Variants in TIMM10B observed in about 807,000 individuals in gnomAD.
The protein encoded by TIMM10B is translocase of inner mitochondrial membrane 10B, also known as mitochondrial import inner membrane translocase subunit Tim10 B.
TIMM10B carries 17 observed loss-of-function variants against 12.6 expected under a neutral mutation model. That is an observed-to-expected ratio of 1.35 (90% CI 0.92 to 2.03). The LOEUF is 2.03. TIMM10B is among the 30% of genes most tolerant of loss of function. The pLI is 0.00. For synonymous variants in TIMM10B, 63 were observed against 51.3 expected, an observed-to-expected ratio of 1.23 and a Z score of -0.97; for missense variants, 165 against 133.3, an observed-to-expected ratio of 1.24 and a Z score of -1.17.
At position 6,483,305 on chromosome 11, in the gene TIMM10B, T is replaced by G. The variant is rs113348225; in HGVS notation, c.*1084T>G. ...CCCACATTGGTCCCATTGAGTACAT[T>G]CTGTGATTTCTAATTCCAGCCTCTC... On this transcript the variant is annotated 3_prime_UTR_variant, in exon 3 of 3. Coordinates refer to ENST00000254616, the MANE Select transcript of TIMM10B (RefSeq NM_012192.4). 1 of 152,252 alleles carries G rather than the reference T, an allele frequency of 6.6e-6. No homozygotes were observed. The highest frequency in any genetic ancestry group is 1.5e-5 in the Non-Finnish European group (1 of 68,050). The allele number at this position is 152,252 out of a possible 1,614,324, so 9.4% of individuals were successfully genotyped here.
Position 6,482,429 on chromosome 11 carries a change from C to T in TIMM10B, c.*208C>T, listed in dbSNP as rs925632426. ...AAGGAAGCTTTGCCTACTTTATTGG[C>T]ACAATCCGTTGTTCTGTCGTTTAGT... On this transcript the variant is annotated 3_prime_UTR_variant, in exon 3 of 3. Coordinates refer to ENST00000254616, the MANE Select transcript of TIMM10B (RefSeq NM_012192.4). 15 of 559,226 alleles carry T rather than the reference C, an allele frequency of 2.7e-5. No individual in the cohort carries two copies. Among genetic ancestry groups the T allele is most frequent in the Non-Finnish European group, 4.5e-5 (14 of 313,120 alleles). The allele number at this position is 559,226 out of a possible 1,614,324, so 34.6% of individuals were successfully genotyped here. A position where few individuals can be genotyped will look rare whatever the true frequency, so the allele number is the denominator to read the frequency against.
At position 6,482,209 on chromosome 11, in the gene TIMM10B, A is replaced by G. The variant is rs750701674; in HGVS notation, c.300A>G (p.Pro100=). ...GVAAEQPGVS[P]SGS Reference sequence around the variant, plus strand: ...CTGCTGAACAGCCTGGGGTCTCTCCATCAGGCAGCTAGCCATACCCAACCC... The same window carrying G: ...CTGCTGAACAGCCTGGGGTCTCTCCGTCAGGCAGCTAGCCATACCCAACCC... The change falls in exon 3 of 3, where the codon CCA becomes CCG. Residue 100 remains proline, a synonymous_variant. Transcript: ENST00000254616. The G allele has an allele frequency of 2.5e-6, 4 of 1,605,868 alleles. No individual in the cohort carries two copies. The Admixed American group carries it at 6.7e-5, about 27-fold the overall frequency.
Position 6,483,129 on chromosome 11 carries a change from C to G in TIMM10B, c.*908C>G, listed in dbSNP as rs2134342405. ...CTGGGGACCATATTCTGCAATGCAGCCAAATCCGAGGAAGAGAAACTGAAG... is the reference window on the plus strand; with the variant it reads ...CTGGGGACCATATTCTGCAATGCAGGCAAATCCGAGGAAGAGAAACTGAAG... On this transcript the variant is annotated 3_prime_UTR_variant, in exon 3 of 3. Transcript: ENST00000254616. The G allele has an allele frequency of 6.6e-6, 1 of 152,338 alleles. No homozygotes were observed. The highest frequency in any genetic ancestry group is 1.9e-4 in the East Asian group (1 of 5,186). The allele number at this position is 152,338 out of a possible 1,614,324, so 9.4% of individuals were successfully genotyped here. A position where few individuals can be genotyped will look rare whatever the true frequency, so the allele number is the denominator to read the frequency against.
rs144413908 is a variant in TIMM10B, at chr11:6,484,574, C to T, written c.*2353C>T. On this transcript the variant is annotated 3_prime_UTR_variant, in exon 3 of 3. Coordinates refer to ENST00000254616, the MANE Select transcript of TIMM10B (RefSeq NM_012192.4). ...AGTAAAACAGGTTTGAACTTCTTAACTTCCAGAAGATAGGAGGATGGGACC... is the reference window on the plus strand; with the variant it reads ...AGTAAAACAGGTTTGAACTTCTTAATTTCCAGAAGATAGGAGGATGGGACC... 1.3e-4 allele frequency: 20 copies of T among 152,354 alleles called. No homozygotes were observed. The East Asian group carries it at 3.1e-3, about 24-fold the overall frequency. The allele number at this position is 152,354 out of a possible 1,614,324, so 9.4% of individuals were successfully genotyped here. A position where few individuals can be genotyped will look rare whatever the true frequency, so the allele number is the denominator to read the frequency against.
Position 6,481,809 on chromosome 11 carries a change from G to A in TIMM10B, c.92G>A (p.Arg31His), listed in dbSNP as rs765112655. 5 of 1,613,948 alleles carry A rather than the reference G, an allele frequency of 3.1e-6. No homozygotes were observed. The highest frequency in any genetic ancestry group is 4.2e-6 in the Non-Finnish European group (5 of 1,180,024). ...YNRMTELCFQ[R>H]CVPSLHHRAL... ...CGGATGACAGAACTCTGCTTCCAGC[G>A]CTGTGTGCCCAGCTTGCACCACCGA... The change falls in exon 2 of 3, where the codon CGC becomes CAC. Residue 31 changes from arginine (R) to histidine (H), a missense_variant. Physicochemically the swap from Arg to His is conservative, Grantham distance 29 (BLOSUM62 0). Transcript: ENST00000254616.
At position 6,481,541 on chromosome 11, in the gene TIMM10B, CA is replaced by C. The variant is rs1184942132; in HGVS notation, c.26del (p.Gln9ArgfsTer16). 1.2e-6 allele frequency: 2 copies of C among 1,611,270 alleles called. No individual in the cohort carries two copies. The highest frequency in any genetic ancestry group is 4.5e-5 in the East Asian group (2 of 44,818). MERQQQQQQQLRNLRDFLL... is the reference protein window; with the variant it reads MERQQQQQXQLRNLRDFLL... ...GATGGAGCGGCAGCAGCAGCAGCAA[CA>C]GCAACTGCGAAACGTAAGTGAGAAC... On this transcript the variant is annotated frameshift_variant, in exon 1 of 3. Transcript: ENST00000254616. LOFTEE classifies it high-confidence loss of function.
chr11:6,482,253 A>G lies in TIMM10B; in HGVS notation c.*32A>G. On this transcript the variant is annotated 3_prime_UTR_variant, in exon 3 of 3. Coordinates refer to ENST00000254616, the MANE Select transcript of TIMM10B (RefSeq NM_012192.4). ...CCAACCCCAGGAAGGAAGGCCTTGG[A>G]TGGACCCTCAGATTGAAGGACCCGG... The G allele has an allele frequency of 6.3e-7, 1 of 1,575,984 alleles. No individual in the cohort carries two copies.
Position 6,482,838 on chromosome 11 carries a change from A to T in TIMM10B, c.*617A>T, listed in dbSNP as rs572961748. On this transcript the variant is annotated 3_prime_UTR_variant, in exon 3 of 3. Transcript: ENST00000254616. ...TTTGTGAACTATGTCTTACATGTCTAGAGTTCTGCTGGATCTAGGGAAAGG... is the reference window on the plus strand; with the variant it reads ...TTTGTGAACTATGTCTTACATGTCTTGAGTTCTGCTGGATCTAGGGAAAGG... 6.6e-6 allele frequency: 1 copy of T among 152,440 alleles called. No individual in the cohort carries two copies. Among genetic ancestry groups the T allele is most frequent in the African/African-American group, 2.4e-5 (1 of 41,574 alleles). The allele number at this position is 152,440 out of a possible 1,614,324, so 9.4% of individuals were successfully genotyped here.
rs779161044 is a variant in TIMM10B at position 6,481,534 on chromosome 11, G to C, written c.18G>C (p.Gln6His). 6.2e-7 allele frequency: 1 copy of C among 1,611,964 alleles called. No individual in the cohort carries two copies. Among genetic ancestry groups the C allele is most frequent in the Non-Finnish European group, 8.5e-7 (1 of 1,179,380 alleles). Reference protein sequence around the residue: MERQQQQQQQLRNLRD... With the variant: MERQQHQQQQLRNLRD... ...GTGGCGTGATGGAGCGGCAGCAGCA[G>C]CAGCAACAGCAACTGCGAAACGTAA... Residue 6 changes from glutamine to histidine, a missense_variant, in exon 1 of 3, where the codon CAG (glutamine) becomes CAC (histidine). Gln to His is a conservative substitution (Grantham distance 24, BLOSUM62 0). Coordinates refer to ENST00000254616, the MANE Select transcript of TIMM10B (RefSeq NM_012192.4).
At position 6,482,243 on chromosome 11, in the gene TIMM10B, A is replaced by AAGGC; in HGVS notation, c.*23_*26dup. 1 of 1,589,882 alleles carries AAGGC rather than the reference A, an allele frequency of 6.3e-7. No homozygotes were observed. Among genetic ancestry groups the AAGGC allele is most frequent in the Non-Finnish European group, 8.6e-7 (1 of 1,169,032 alleles). On this transcript the variant is annotated 3_prime_UTR_variant, in exon 3 of 3. Coordinates refer to ENST00000254616, the MANE Select transcript of TIMM10B (RefSeq NM_012192.4). ...CTAGCCATACCCAACCCCAGGAAGG[A>AAGGC]AGGCCTTGGATGGACCCTCAGATTG...
chr11:6,483,984 A>T lies in TIMM10B; in HGVS notation c.*1763A>T, dbSNP rs1311615692. On this transcript the variant is annotated 3_prime_UTR_variant, in exon 3 of 3. Coordinates refer to ENST00000254616, the MANE Select transcript of TIMM10B (RefSeq NM_012192.4). Reference sequence around the variant, plus strand: ...ATGCTTTATATTAATCTTTACAACAACTATAAGTAAGAGGTATTAACCTCA... The same window carrying T: ...ATGCTTTATATTAATCTTTACAACATCTATAAGTAAGAGGTATTAACCTCA... The T allele has an allele frequency of 6.6e-6, 1 of 152,216 alleles. No homozygotes were observed. The highest frequency in any genetic ancestry group is 1.5e-5 in the Non-Finnish European group (1 of 68,022). 9.4% of individuals were successfully genotyped at this position (152,216 alleles called of 1,614,324 possible).
At chr11:6,481,970 C>G (rs1851805189) in intron 2 of TIMM10B, 75 bp from the exon 3 acceptor site, 2 of 1,595,256 alleles carry the variant, frequency 1.3e-6, no homozygotes. Flanking sequence ...CACCCCTAGG[C>G]TGGGCATGGG....
chr11:6,481,800 G>A lies in TIMM10B; in HGVS notation c.83G>A (p.Cys28Tyr). 1 of 1,614,074 alleles carries A rather than the reference G, an allele frequency of 6.2e-7. No individual in the cohort carries two copies. Among genetic ancestry groups the A allele is most frequent in the South Asian group, 1.1e-5 (1 of 91,086 alleles). ...LLVYNRMTELCFQRCVPSLHH... is the reference protein window; with the variant it reads ...LLVYNRMTELYFQRCVPSLHH... ...GTCTACAATCGGATGACAGAACTCT[G>A]CTTCCAGCGCTGTGTGCCCAGCTTG... Residue 28 changes from cysteine (C) to tyrosine (Y), a missense_variant, in exon 2 of 3, where the codon TGC becomes TAC. Transcript: ENST00000254616.
chr11:6,481,666 G>A (rs2134335204), intron 1 of TIMM10B, 91 bp from the exon 2 acceptor site: 2 of 1,592,074 alleles, frequency 1.3e-6, no homozygotes, highest in Non-Finnish European at 1.7e-6. Context: ...TCGGGCTATG[G>A]CGCGCGGGCC....
intron 1 of TIMM10B, 29 bp from the exon 2 acceptor site, chr11:6,481,728 C>T (rs758610299): frequency 1.9e-6 from 3 of 1,613,934 alleles, no homozygotes; most frequent in South Asian, 2.2e-5. Context: ...GCCCTTATCG[C>T]TGAGTTTGTG....
At position 6,482,739 on chromosome 11, in the gene TIMM10B, A is replaced by C. The variant is rs1283118087; in HGVS notation, c.*518A>C. The C allele has an allele frequency of 6.4e-6, 1 of 155,312 alleles. No individual in the cohort carries two copies. Among genetic ancestry groups the C allele is most frequent in the Non-Finnish European group, 1.4e-5 (1 of 69,766 alleles). The allele number at this position is 155,312 out of a possible 1,614,324, so 9.6% of individuals were successfully genotyped here. A position where few individuals can be genotyped will look rare whatever the true frequency, so the allele number is the denominator to read the frequency against. On this transcript the variant is annotated 3_prime_UTR_variant, in exon 3 of 3. Transcript: ENST00000254616. ...ATGACAGAAAATGGGAGCTCTGTCTAGTTGTCCTTAAGTCTGACTGACTTC... is the reference window on the plus strand; with the variant it reads ...ATGACAGAAAATGGGAGCTCTGTCTCGTTGTCCTTAAGTCTGACTGACTTC...
Position 6,481,738 on chromosome 11 carries a change from G to T in TIMM10B, c.40-19G>T. Reference sequence around the variant, plus strand: ...GTGGGGCCCTTATCGCTGAGTTTGTGGTCCCCCTTTTCTCTCAGCTGCGTG... The same window carrying T: ...GTGGGGCCCTTATCGCTGAGTTTGTTGTCCCCCTTTTCTCTCAGCTGCGTG... On this transcript the variant is annotated intron_variant, in intron 1 of 2. Coordinates refer to ENST00000254616, the MANE Select transcript of TIMM10B (RefSeq NM_012192.4). 1 of 1,614,012 alleles carries T rather than the reference G, an allele frequency of 6.2e-7. No individual in the cohort carries two copies. The highest frequency in any genetic ancestry group is 8.5e-7 in the Non-Finnish European group (1 of 1,179,992).
rs1381693824 is a variant in TIMM10B at position 6,483,459 on chromosome 11, A to C, written c.*1238A>C. ...CCACCATTGGCCATCTTTTTGTATCATTCCACTTATTCTGTCTTTTCCATT... is the reference window on the plus strand; with the variant it reads ...CCACCATTGGCCATCTTTTTGTATCCTTCCACTTATTCTGTCTTTTCCATT... On this transcript the variant is annotated 3_prime_UTR_variant, in exon 3 of 3. Transcript: ENST00000254616. The C allele has an allele frequency of 1.3e-5, 2 of 151,914 alleles. No homozygotes were observed. Among genetic ancestry groups the C allele is most frequent in the Non-Finnish European group, 2.9e-5 (2 of 67,998 alleles). 9.4% of individuals were successfully genotyped at this position (151,914 alleles called of 1,614,324 possible).
intron 2 of TIMM10B, 48 bp downstream of exon 2, chr11:6,481,900 A>C (rs1040715798): frequency 6.2e-7 from 1 of 1,609,052 alleles, no homozygotes; most frequent in Non-Finnish European, 8.5e-7. Context: ...GTTTAGCGGT[A>C]GACTGCTTCC....
Sources: gnomAD v4.1 joint callset for allele counts on GRCh38, gnomAD v4.1.1 for gene constraint, MANE v1.5 for transcripts, NCBI Gene and HGNC (gene_info 2026-07-23, HGNC 2026-07-21) for gene names.